Variants in BCL2L11 observed in about 807,000 individuals in gnomAD.
The protein encoded by BCL2L11 is bcl-2-like protein 11.
A neutral mutation model predicts 20.6 loss-of-function variants in BCL2L11; 15 were observed. The ratio of observed to expected loss-of-function variants is 0.73; its 90% CI spans 0.49 to 1.12. The LOEUF is 1.12. Ranked by LOEUF, BCL2L11 falls within the 50% of genes most tolerant of loss-of-function variation. The pLI is 0.00. For synonymous variants in BCL2L11, 108 were observed against 92.8 expected, an observed-to-expected ratio of 1.16 and a Z score of -0.94; for missense variants, 292 against 260.9, an observed-to-expected ratio of 1.12 and a Z score of -0.82.
At position 111,165,091 on chromosome 2, in the gene BCL2L11, A is replaced by G. The variant is rs2078961877; in HGVS notation, c.*860A>G. 1 of 152,270 alleles carries G rather than the reference A, an allele frequency of 6.6e-6. No individual in the cohort carries two copies. Among genetic ancestry groups the G allele is most frequent in the Admixed American group, 6.5e-5 (1 of 15,288 alleles). The allele number at this position is 152,270 out of a possible 1,614,324, so 9.4% of individuals were successfully genotyped here. On this transcript the variant is annotated 3_prime_UTR_variant, in exon 4 of 4. Transcript: ENST00000393256. ...GCCTGTATCTTGCACAGTTCGAGCG[A>G]TCTGTTATTAACTGGGAAGCATTTG...
chr2:111,145,400 A>G (rs1365870020), intron 2 of BCL2L11, among the ~76,000 whole-genome samples: 1 of 152,176 alleles, frequency 6.6e-6, no homozygotes, highest in East Asian at 1.9e-4. Context: ...GAGCACTGGG[A>G]TAGAGGCTCT....
chr2:111,159,732 AT>A (rs1443199545), intron 3 of BCL2L11, among the ~76,000 whole-genome samples: 1 of 152,178 alleles, frequency 6.6e-6, no homozygotes, highest in Non-Finnish European at 1.5e-5. Flanking sequence ...CCTGCACTTA[AT>A]GTTCCTCGCT....
At chr2:111,136,193 C>A (rs2074852635) in intron 2 of BCL2L11, among the ~76,000 whole-genome samples, 1 of 152,180 alleles carries the variant, frequency 6.6e-6, no homozygotes, top group Non-Finnish European at 1.5e-5. Context: ...GAGAACAGGC[C>A]TCCCATGGAG....
In BCL2L11 at chr2:111,164,121, T is replaced by C. The variant is rs1281842000; in HGVS notation, c.499-12T>C. 1 of 1,548,604 alleles carries C rather than the reference T, an allele frequency of 6.5e-7. No homozygotes were observed. Among genetic ancestry groups the C allele is most frequent in the Non-Finnish European group, 8.9e-7 (1 of 1,120,430 alleles). On this transcript the variant is annotated splice_polypyrimidine_tract_variant and intron_variant, in intron 3 of 3. Coordinates refer to ENST00000393256, the MANE Select transcript of BCL2L11 (RefSeq NM_138621.5). ...AGGGAGAAACTAAGAAGCTTTCCTT[T>C]TGTTGTTTCAGGTATTTTTGAATAA...
At chr2:111,122,843 C>G (rs992376893) in intron 1 of BCL2L11, 1 of 985,332 alleles carries the variant, frequency 1.0e-6, no homozygotes, top group Non-Finnish European at 1.2e-6. Context: ...AGGGGGCGCC[C>G]GGTCGGCGAA....
intron 3 of BCL2L11, chr2:111,163,456 T>C (rs1247700509): frequency 6.6e-6 from 1 of 152,312 alleles, no homozygotes; most frequent in Non-Finnish European, 1.5e-5. Flanking sequence ...CCTGAAAGCA[T>C]TGGATAAGCT....
intron 2 of BCL2L11, among the ~76,000 whole-genome samples, chr2:111,133,352 G>T (rs573062225): frequency 1.6e-4 from 24 of 152,254 alleles, no homozygotes; most frequent in South Asian, 2.1e-4. Flanking sequence ...TCTAATGTAC[G>T]CATTTATTCA....
chr2:111,120,971 G>C lies in BCL2L11; in HGVS notation c.-231G>C. ...TTGTTGGAGCTCTGCGTCCAGCGCC[G>C]CTGCCGCTGCCGCCGCCGCCGCCGC... On this transcript the variant is annotated 5_prime_UTR_variant, in exon 1 of 4. Transcript: ENST00000393256. The C allele has an allele frequency of 3.6e-6, 1 of 279,366 alleles. No individual in the cohort carries two copies. Among genetic ancestry groups the C allele is most frequent in the East Asian group, 6.4e-5 (1 of 15,516 alleles). The allele number at this position is 279,366 out of a possible 1,614,324, so 17.3% of individuals were successfully genotyped here.
Position 111,148,562 on chromosome 2 carries a change from T to G in BCL2L11, c.395-1482T>G, listed in dbSNP as rs13020669. On this transcript the variant is annotated intron_variant, in intron 2 of 3. Transcript: ENST00000393256. Reference sequence around the variant, plus strand: ...TGACACAGGTACAATCAAAGTAAATTTTGTATGATTGGATGTATTCAGAGG... The same window carrying G: ...TGACACAGGTACAATCAAAGTAAATGTTGTATGATTGGATGTATTCAGAGG... 4.4e-3 allele frequency among the ~76,000 whole-genome samples: 667 copies of G among 152,268 alleles called. 2 individuals carry two copies. Among genetic ancestry groups the G allele is most frequent in the Admixed American group, 7.1e-3 (109 of 15,296 alleles).
intron 2 of BCL2L11, among the ~76,000 whole-genome samples, chr2:111,126,984 GTGTT>G (rs1336994540): frequency 1.9e-4 from 28 of 146,956 alleles, no homozygotes; most frequent in African/African-American, 6.8e-4. Context: ...TAGTAGTTGA[GTGTT>G]TGTATTAACA....
chr2:111,162,934 A>G (rs1276647704), intron 3 of BCL2L11: 11 of 152,386 alleles, frequency 7.2e-5, no homozygotes, highest in African/African-American at 2.6e-4. Flanking sequence ...TGTGTAAAAC[A>G]GATAAAAATC....
Position 111,147,346 on chromosome 2 carries a change from T to TCTCA in BCL2L11, c.395-2697_395-2696insTCAC, listed in dbSNP as rs760779894. Among the ~76,000 whole-genome samples, 320 of 137,400 alleles carry TCTCA rather than the reference T, an allele frequency of 2.3e-3. 2 individuals carry two copies. The highest frequency in any genetic ancestry group is 3.7e-3 in the Middle Eastern group (1 of 270). The allele number at this position is 137,400 out of a possible 152,430, so 90.1% of individuals were successfully genotyped here. A position where few individuals can be genotyped will look rare whatever the true frequency, so the allele number is the denominator to read the frequency against. On this transcript the variant is annotated intron_variant, in intron 2 of 3. Coordinates refer to ENST00000393256, the MANE Select transcript of BCL2L11 (RefSeq NM_138621.5). Reference sequence around the variant, plus strand: ...TCCTGTATCTCTCTCTCTCTCTCTCTCACACACACACACACACACACACAC... The same window carrying TCTCA: ...TCCTGTATCTCTCTCTCTCTCTCTCTCTCACACACACACACACACACACACACAC...
intron 3 of BCL2L11, among the ~76,000 whole-genome samples, chr2:111,162,291 C>T (rs992236794): frequency 3.9e-5 from 6 of 152,170 alleles, no homozygotes; most frequent in East Asian, 1.9e-4. Flanking sequence ...TCATGCCCGC[C>T]GTCTGAGAGG....
intron 3 of BCL2L11, among the ~76,000 whole-genome samples, chr2:111,155,021 A>C (rs1043469976): frequency 6.6e-6 from 1 of 152,206 alleles, no homozygotes; most frequent in African/African-American, 2.4e-5. Context: ...CCAGAGGGCT[A>C]CTGACCCTCA....
intron 3 of BCL2L11, chr2:111,163,584 TG>T (rs1037063639): frequency 2.0e-5 from 3 of 152,604 alleles, no homozygotes; most frequent in African/African-American, 7.2e-5. Flanking sequence ...GGTGGGAGGA[TG>T]GGGGTTGACA....
At chr2:111,122,711 C>G (rs1437307029) in intron 1 of BCL2L11, 10 of 982,000 alleles carry the variant, frequency 1.0e-5, no homozygotes, top group East Asian at 2.3e-4. Context: ...CGTGCGGAGC[C>G]CTCGGCTGCC....
chr2:111,130,130 A>G (rs1203429165), intron 2 of BCL2L11: 7 of 363,774 alleles, frequency 1.9e-5, no homozygotes, highest in Non-Finnish European at 2.7e-5. Flanking sequence ...TTTTTGTGAC[A>G]GTCTCACTCT....
chr2:111,149,035 G>A lies in BCL2L11; in HGVS notation c.395-1009G>A, dbSNP rs773963721. Among the ~76,000 whole-genome samples, 4 of 152,076 alleles carry A rather than the reference G, an allele frequency of 2.6e-5. No homozygotes were observed. In the East Asian group the frequency reaches 7.7e-4, roughly 29 times the overall value. ...AATATGTGTGTTTAATTGTGAGTAC[G>A]GTGTGCCCATTTTTACAGTAAGTTA... is the stretch of plus-strand genomic sequence containing the variant. On this transcript the variant is annotated intron_variant, in intron 2 of 3. Transcript: ENST00000393256.
rs5833391 is a variant in BCL2L11 at position 111,120,979 on chromosome 2, TGCCGCCGCCGCCGCC to T, written c.-195_-181del. 1.1e-3 allele frequency: 371 copies of T among 336,120 alleles called. 4 individuals are homozygous for T. Among genetic ancestry groups the T allele is most frequent in the East Asian group, 3.3e-3 (54 of 16,392 alleles). The allele number at this position is 336,120 out of a possible 1,614,324, so 20.8% of individuals were successfully genotyped here. ...GCTCTGCGTCCAGCGCCGCTGCCGC[TGCCGCCGCCGCCGCC>T]GCCGCCGCCGCCGCCGCCGCCGCCG... On this transcript the variant is annotated 5_prime_UTR_variant, in exon 1 of 4. Transcript: ENST00000393256.
Sources: gnomAD v4.1 joint callset for allele counts (sites outside exome capture counted in the v4.1 genomes callset) on GRCh38, gnomAD v4.1.1 for gene constraint, MANE v1.5 for transcripts, NCBI Gene and HGNC (gene_info 2026-07-23, HGNC 2026-07-21) for gene names.